RBFOX1: variants seen among roughly 807,000 people sequenced by gnomAD.
The protein encoded by RBFOX1 is RNA binding protein fox-1 homolog 1.
A neutral mutation model predicts 57.7 loss-of-function variants in RBFOX1; 8 were observed. The ratio of observed to expected loss-of-function variants is 0.14; its 90% CI spans 0.08 to 0.25. The LOEUF is 0.25. Ranked by LOEUF, RBFOX1 falls within the 10% of genes least tolerant of loss-of-function variation. The probability of loss-of-function intolerance (pLI) is 1.00; values close to 1 mark genes in which losing one functional copy is unlikely to be tolerated. For missense variants in RBFOX1, 611 were observed against 548.5 expected, an observed-to-expected ratio of 1.11 and a Z score of -1.14; for synonymous variants, 326 against 222.4, an observed-to-expected ratio of 1.47 and a Z score of -4.15.
At chr16:7,621,363 C>A (rs2059294962) in intron 10 of RBFOX1, among the ~76,000 whole-genome samples, 1 of 152,008 alleles carries the variant, frequency 6.6e-6, no homozygotes, top group African/African-American at 2.4e-5. Flanking sequence ...CGGGTTCAAG[C>A]AATTCTTGTG....
chr16:6,998,645 G>A (rs922491357), intron 3 of RBFOX1, among the ~76,000 whole-genome samples: 1 of 152,082 alleles, frequency 6.6e-6, no homozygotes, highest in Non-Finnish European at 1.5e-5. Flanking sequence ...TTGCAATCCT[G>A]TTTCACATTT....
At position 6,855,817 on chromosome 16, in the gene RBFOX1, T is replaced by C. The variant is rs557323543; in HGVS notation, c.-15-196240T>C. On this transcript the variant is annotated intron_variant, in intron 3 of 15. Coordinates refer to ENST00000550418, the MANE Select transcript of RBFOX1 (RefSeq NM_018723.4). Reference sequence around the variant, plus strand: ...TGATAAATTTCCTTCTTCCCTTCCTTCCTCCTTCCCTCCCTCCTTCCCTCC... The same window carrying C: ...TGATAAATTTCCTTCTTCCCTTCCTCCCTCCTTCCCTCCCTCCTTCCCTCC... Among the ~76,000 whole-genome samples, 255 of 113,042 alleles carry C rather than the reference T, an allele frequency of 2.3e-3. 1 individual carries two copies. Among genetic ancestry groups the C allele is most frequent in the South Asian group, 0.018 (60 of 3,362 alleles). 74.2% of individuals were successfully genotyped at this position (113,042 alleles called of 152,430 possible).
At chr16:7,361,842 A>G (rs2097328169) in intron 4 of RBFOX1, among the ~76,000 whole-genome samples, 1 of 151,304 alleles carries the variant, frequency 6.6e-6, no homozygotes, top group Non-Finnish European at 1.5e-5. Flanking sequence ...TTATGTATAT[A>G]TGTTTTGTGT....
intron 2 of RBFOX1, among the ~76,000 whole-genome samples, chr16:6,479,594 GAAAAA>G (rs2095338139): frequency 6.6e-6 from 1 of 151,722 alleles, no homozygotes; most frequent in Non-Finnish European, 1.5e-5. Context: ...TCTCAAAAAA[GAAAAA>G]GAAAAGAAAA....
chr16:6,832,927 T>C (rs2092812722), intron 3 of RBFOX1, among the ~76,000 whole-genome samples: 1 of 152,186 alleles, frequency 6.6e-6, no homozygotes, highest in African/African-American at 2.4e-5. Flanking sequence ...CAGCTTTCAA[T>C]CTCTGGGGAG....
chr16:6,247,906 T>A (rs2097578258), intron 1 of RBFOX1, among the ~76,000 whole-genome samples: 1 of 151,788 alleles, frequency 6.6e-6, no homozygotes, highest in African/African-American at 2.4e-5. Flanking sequence ...CTCTCCAAGA[T>A]GGCAGAACAT....
Position 7,699,266 on chromosome 16 carries a change from C to T in RBFOX1, c.996-9790C>T, listed in dbSNP as rs536933015. ...AGTGCAATAGCCTGATCTTAGCTTC[C>T]TGTAATCCTGGACCTCCTGGGATCT... On this transcript the variant is annotated intron_variant, in intron 14 of 15. Transcript: ENST00000550418. 4.8e-5 allele frequency among the ~76,000 whole-genome samples: 4 copies of T among 83,444 alleles called. No homozygotes were observed. In the South Asian group the frequency reaches 1.7e-3, roughly 35 times the overall value. The allele number at this position is 83,444 out of a possible 152,430, so 54.7% of individuals were successfully genotyped here.
intron 1 of RBFOX1, among the ~76,000 whole-genome samples, chr16:5,454,290 T>C (rs2068514166): frequency 6.6e-6 from 1 of 152,240 alleles, no homozygotes; most frequent in Admixed American, 6.5e-5. Context: ...CATTGCTGTG[T>C]AGCAAACCAC....
chr16:6,636,019 T>G (rs2098428627), intron 2 of RBFOX1, among the ~76,000 whole-genome samples: 1 of 152,164 alleles, frequency 6.6e-6, no homozygotes, highest in African/African-American at 2.4e-5. Context: ...TGAAAGTACT[T>G]GTGTACATGT....
At chr16:6,413,773 C>G (rs917640) in intron 2 of RBFOX1, among the ~76,000 whole-genome samples, 64,494 of 151,934 alleles carry the variant, frequency 0.42, 14,533 homozygotes, top group Non-Finnish European at 0.49. Flanking sequence ...TCAGGTATTT[C>G]TCAGTCTCTC....
At chr16:5,880,495 G>A (rs977280278) in intron 4 of RBFOX1, among the ~76,000 whole-genome samples, 11 of 152,186 alleles carry the variant, frequency 7.2e-5, no homozygotes, top group Non-Finnish European at 1.0e-4. Context: ...ATTCTGCATC[G>A]TATTTCAATC....
At chr16:6,674,208 T>C (rs2098786148) in intron 3 of RBFOX1, among the ~76,000 whole-genome samples, 1 of 152,178 alleles carries the variant, frequency 6.6e-6, no homozygotes, top group African/African-American at 2.4e-5. Context: ...CCCATACCTG[T>C]GAATGTAAAT....
At chr16:6,983,621 T>A (rs897653131) in intron 3 of RBFOX1, 4 of 152,188 alleles carry the variant, frequency 2.6e-5, no homozygotes, top group Non-Finnish European at 4.4e-5. Flanking sequence ...TTTATATTAA[T>A]TTCTTAATTT....
chr16:7,660,629 A>C (rs1456742754), intron 12 of RBFOX1, among the ~76,000 whole-genome samples: 1 of 152,242 alleles, frequency 6.6e-6, no homozygotes, highest in African/African-American at 2.4e-5. Flanking sequence ...AATGTAAAGT[A>C]AAATAACACT....
chr16:5,394,354 T>C (rs988570081), intron 1 of RBFOX1, among the ~76,000 whole-genome samples: 5 of 152,082 alleles, frequency 3.3e-5, no homozygotes, highest in Middle Eastern at 3.2e-3. Flanking sequence ...TACTGGAAAA[T>C]TTTAGGACAG....
chr16:5,972,027 C>T (rs1388885450), intron 4 of RBFOX1, among the ~76,000 whole-genome samples: 4 of 152,230 alleles, frequency 2.6e-5, no homozygotes, highest in African/African-American at 9.6e-5. Flanking sequence ...TGCCTTCGGA[C>T]TCAAACTGAA....
intron 3 of RBFOX1, among the ~76,000 whole-genome samples, chr16:6,788,742 TG>T (rs74311182): frequency 0.097 from 14,709 of 152,060 alleles, 1,310 homozygotes; most frequent in East Asian, 0.23. Flanking sequence ...CCCAGAGTGC[TG>T]GGATTACAGG....
chr16:7,236,729 A>G (rs1344551377), intron 4 of RBFOX1, among the ~76,000 whole-genome samples: 1 of 152,112 alleles, frequency 6.6e-6, no homozygotes, highest in Admixed American at 6.6e-5. Context: ...GCAAGCACGC[A>G]CCAGCCTTCA....
intron 3 of RBFOX1, among the ~76,000 whole-genome samples, chr16:6,874,873 G>A (rs2061557322): frequency 2.0e-5 from 3 of 152,182 alleles, no homozygotes; most frequent in Admixed American, 1.3e-4. Context: ...ACTTACCCAT[G>A]TAAGGAACAT....
Sources: gnomAD v4.1 joint callset for allele counts (sites outside exome capture counted in the v4.1 genomes callset) on GRCh38, gnomAD v4.1.1 for gene constraint, MANE v1.5 for transcripts, NCBI Gene and HGNC (gene_info 2026-07-23, HGNC 2026-07-21) for gene names.